Variants in DACH1 observed in about 807,000 individuals in gnomAD.
DACH1 encodes the protein dachshund homolog 1.
A neutral mutation model predicts 54.2 loss-of-function variants in DACH1; 12 were observed. That is an observed-to-expected ratio of 0.22 (90% confidence interval 0.14 to 0.36). DACH1 has a LOEUF of 0.36. Ranked by LOEUF, DACH1 falls within the 10% of genes least tolerant of loss-of-function variation. The pLI is 1.00. For synonymous variants in DACH1, 386 were observed against 366.2 expected, an observed-to-expected ratio of 1.05 and a Z score of -0.62; for missense variants, 805 against 929.8, an observed-to-expected ratio of 0.87 and a Z score of 1.75.
intron 6 of DACH1, among the ~76,000 whole-genome samples, chr13:71,547,762 T>C (rs1441152232): frequency 6.6e-6 from 1 of 152,196 alleles, no homozygotes; most frequent in Non-Finnish European, 1.5e-5. Flanking sequence ...TATTAACTTT[T>C]GATCTATTTC....
intron 1 of DACH1, among the ~76,000 whole-genome samples, chr13:71,758,400 G>C (rs1885256709): frequency 6.6e-6 from 1 of 152,110 alleles, no homozygotes; most frequent in Non-Finnish European, 1.5e-5. Flanking sequence ...TGAGAACCTG[G>C]AAACAAAACA....
At chr13:71,524,706 G>C (rs922252676) in intron 6 of DACH1, among the ~76,000 whole-genome samples, 1 of 151,974 alleles carries the variant, frequency 6.6e-6, no homozygotes, top group Admixed American at 6.6e-5. Flanking sequence ...AGCTTATTGA[G>C]AGCATATGGA....
chr13:71,817,114 G>A (rs1180011885), intron 1 of DACH1, among the ~76,000 whole-genome samples: 1 of 152,056 alleles, frequency 6.6e-6, no homozygotes, highest in African/African-American at 2.4e-5. Flanking sequence ...AATTATGAAT[G>A]AATAAAGTAA....
chr13:71,580,315 T>G (rs1029303164), intron 3 of DACH1, among the ~76,000 whole-genome samples: 3 of 152,190 alleles, frequency 2.0e-5, no homozygotes, highest in Non-Finnish European at 4.4e-5. Flanking sequence ...CACCATACTA[T>G]TCTTCTGTTA....
chr13:71,581,553 C>T (rs1321549009), intron 3 of DACH1, among the ~76,000 whole-genome samples: 1 of 151,970 alleles, frequency 6.6e-6, no homozygotes, highest in African/African-American at 2.4e-5. Flanking sequence ...CGCGCCCAGC[C>T]CTAATTATTA....
chr13:71,867,107 G>T lies in DACH1; in HGVS notation c.-338C>A, dbSNP rs1874885833. The T allele has an allele frequency of 4.4e-6, 1 of 227,622 alleles. No homozygotes were observed. Among genetic ancestry groups the T allele is most frequent in the Non-Finnish European group, 8.5e-6 (1 of 117,588 alleles). The allele number at this position is 227,622 out of a possible 1,614,324, so 14.1% of individuals were successfully genotyped here. ...GGTCGGCTGTTGTTGTGTGGGTCTC[G>T]CTCTAGCACAAAGTTAAGGATGAAG... On this transcript the variant is annotated 5_prime_UTR_variant, in exon 1 of 11. Coordinates refer to ENST00000613252, the MANE Select transcript of DACH1 (RefSeq NM_080759.6).
chr13:71,682,633 A>G (rs1880971659), intron 1 of DACH1, among the ~76,000 whole-genome samples: 1 of 152,156 alleles, frequency 6.6e-6, no homozygotes, highest in South Asian at 2.1e-4. Flanking sequence ...CCTTACTTTT[A>G]ATATACTAAA....
intron 6 of DACH1, among the ~76,000 whole-genome samples, chr13:71,522,423 TTCTG>T (rs1356702008): frequency 6.6e-6 from 1 of 151,972 alleles, no homozygotes; most frequent in East Asian, 1.9e-4. Context: ...GAGAATCGCT[TTCTG>T]TCTATTTTGA....
intron 1 of DACH1, among the ~76,000 whole-genome samples, chr13:71,710,452 T>TTGTGTG (rs71681955): frequency 1.8e-4 from 25 of 140,664 alleles, no homozygotes; most frequent in African/African-American, 6.3e-4. Context: ...TATGAGGGTT[T>TTGTGTG]TGTGTGTGTG....
At position 71,866,331 on chromosome 13, in the gene DACH1, T is replaced by C. The variant is rs758008938; in HGVS notation, c.439A>G (p.Ser147Gly). The C allele has an allele frequency of 2.3e-5, 35 of 1,533,296 alleles. No homozygotes were observed. The highest frequency in any genetic ancestry group is 3.0e-5 in the Non-Finnish European group (34 of 1,137,060). The allele number at this position is 1,533,296 out of a possible 1,614,324, so 95.0% of individuals were successfully genotyped here. The change falls in exon 1 of 11, where the codon AGC becomes GGC. Residue 147 changes from serine (S) to glycine (G), a missense_variant. Around this residue, in one of 3 missense-constraint regions of DACH1, gnomAD observed 305 missense variants for 308.7 expected, o/e 0.99. Transcript: ENST00000613252. ...STGSSSSSSS[S>G]SSSSSSSSSS... ...CTACTACTGCTGCTGCTGCTGCTGC[T>C]GCTACTGCTGCTGCTGCTGCTGCCG...
rs1873794965 is a variant in DACH1, at chr13:71,439,259, A to AGAT, written c.*1393_*1395dup. On this transcript the variant is annotated 3_prime_UTR_variant, in exon 11 of 11. Transcript: ENST00000613252. Reference sequence around the variant, plus strand: ...TATCAGTCTTTAAAGGTGTAATTCCAGATATGCAAAAAACAAAGAGAAGGT... The same window carrying AGAT: ...TATCAGTCTTTAAAGGTGTAATTCCAGATGATATGCAAAAAACAAAGAGAAGGT... The AGAT allele has an allele frequency of 6.6e-6, 1 of 152,482 alleles. No individual in the cohort carries two copies. The highest frequency in any genetic ancestry group is 1.5e-5 in the Non-Finnish European group (1 of 67,920). 9.4% of individuals were successfully genotyped at this position (152,482 alleles called of 1,614,324 possible).
chr13:71,745,600 A>G (rs897200703), intron 1 of DACH1, among the ~76,000 whole-genome samples: 2 of 152,218 alleles, frequency 1.3e-5, no homozygotes, highest in African/African-American at 4.8e-5. Flanking sequence ...TTAAGAAATA[A>G]TTCAATGTGA....
In DACH1 at chr13:71,488,414, G is replaced by A. The variant is rs147055377; in HGVS notation, c.1722+583C>T. Among the ~76,000 whole-genome samples the A allele has an allele frequency of 2.9e-3, 439 of 152,216 alleles. 4 individuals carry two copies. Among genetic ancestry groups the A allele is most frequent in the Non-Finnish European group, 4.5e-3 (306 of 68,012 alleles). ...ACTGTAAGTATTTTTGATTCATAAT[G>A]TACTGTACATAAAATATACATCCTG... On this transcript the variant is annotated intron_variant, in intron 7 of 10. Transcript: ENST00000613252.
intron 7 of DACH1, among the ~76,000 whole-genome samples, chr13:71,482,008 T>C (rs1878078853): frequency 6.6e-6 from 1 of 152,146 alleles, no homozygotes; most frequent in Non-Finnish European, 1.5e-5. Flanking sequence ...AAAGCATGAT[T>C]TTTTCTCCAA....
intron 3 of DACH1, among the ~76,000 whole-genome samples, chr13:71,620,897 T>C (rs924885871): frequency 6.6e-6 from 1 of 151,960 alleles, no homozygotes; most frequent in Non-Finnish European, 1.5e-5. Context: ...AAGTTTTACT[T>C]AGAAAAGTGA....
intron 3 of DACH1, among the ~76,000 whole-genome samples, chr13:71,620,494 T>A (rs949117120): frequency 6.6e-6 from 1 of 152,080 alleles, no homozygotes; most frequent in African/African-American, 2.4e-5. Context: ...GGTCATAGAA[T>A]CTGAAAGCAG....
At chr13:71,800,565 G>A (rs1457140489) in intron 1 of DACH1, among the ~76,000 whole-genome samples, 1 of 152,058 alleles carries the variant, frequency 6.6e-6, no homozygotes, top group Non-Finnish European at 1.5e-5. Context: ...AGTAGGTACA[G>A]CATATGAAGA....
chr13:71,802,326 A>G (rs1368085986), intron 1 of DACH1, among the ~76,000 whole-genome samples: 1 of 152,138 alleles, frequency 6.6e-6, no homozygotes, highest in Non-Finnish European at 1.5e-5. Flanking sequence ...CATCTGAGTC[A>G]CAAGCAGTGG....
chr13:71,822,146 T>C (rs1888215850), intron 1 of DACH1, among the ~76,000 whole-genome samples: 1 of 152,098 alleles, frequency 6.6e-6, no homozygotes, highest in Non-Finnish European at 1.5e-5. Context: ...ACATACAATT[T>C]CAATGAAATC....
Sources: gnomAD v4.1 joint callset for allele counts (sites outside exome capture counted in the v4.1 genomes callset) on GRCh38, gnomAD v4.1.1 for gene constraint, gnomAD v4.1.1 regional missense constraint, MANE v1.5 for transcripts, NCBI Gene and HGNC (gene_info 2026-07-23, HGNC 2026-07-21) for gene names.